Variants in MROH2B observed in about 807,000 individuals in gnomAD.
The protein encoded by MROH2B is maestro heat like repeat family member 2B.
In MROH2B, 177 loss-of-function variants were observed where a neutral mutation model predicts 208.6. The ratio of observed to expected loss-of-function variants is 0.85; its 90% CI spans 0.75 to 0.96. The LOEUF is 0.96. Ranked by LOEUF, MROH2B falls within the 40% of genes least tolerant of loss-of-function variation. The pLI is 0.00. For missense variants in MROH2B, 2,002 were observed against 1,878.7 expected (o/e 1.07, Z -1.21); for synonymous variants, 728 against 659.0 (o/e 1.10, Z -1.60).
At chr5:41,046,615 G>A (rs544052624) in intron 17 of MROH2B, among the ~76,000 whole-genome samples, 4 of 151,558 alleles carry the variant, frequency 2.6e-5, no homozygotes, top group East Asian at 1.9e-4. Context: ...AAACAGTTTC[G>A]GAAATTTAAG....
In MROH2B at chr5:41,015,419, C is replaced by T. The variant is rs146628734; in HGVS notation, c.2944G>A (p.Val982Met). 9.5e-4 allele frequency: 1,529 copies of T among 1,613,632 alleles called. 22 individuals are homozygous for T. In the East Asian group the frequency reaches 0.025, roughly 26 times the overall value. ...GLQEGLESDD[V>M]QVQIKISSKI... ...GAAGAAATCTTGATCTGAACCTGCA[C>T]GTCATCACTTTCCAGCCCTTCCTGC... is the stretch of plus-strand genomic sequence containing the variant. The change falls in exon 29 of 42, where the codon GTG becomes ATG. Residue 982 changes from valine (V) to methionine (M), a missense_variant. By Grantham distance (21) the Val-to-Met change is conservative. Transcript: ENST00000399564.
chr5:41,047,605 A>G, intron 17 of MROH2B, 116 bp downstream of exon 17: 3 of 930,868 alleles, frequency 3.2e-6, no homozygotes, highest in Non-Finnish European at 4.9e-6. Flanking sequence ...TCTTTTCCAA[A>G]GAAAGGAAAA....
intron 24 of MROH2B, among the ~76,000 whole-genome samples, chr5:41,027,742 T>C (rs1288978176): frequency 2.0e-5 from 3 of 152,206 alleles, no homozygotes; most frequent in Non-Finnish European, 4.4e-5. Context: ...TGCAGACGTA[T>C]GTTTATTGTG....
At chr5:41,059,889 T>C (rs1014818343) in intron 6 of MROH2B, among the ~76,000 whole-genome samples, 1 of 152,220 alleles carries the variant, frequency 6.6e-6, no homozygotes, top group African/African-American at 2.4e-5. Flanking sequence ...ACTTATGCAA[T>C]GATGATACCC....
chr5:41,007,457 A>T lies in MROH2B; in HGVS notation c.3609-3T>A. ...ATTTTAAAGTAGCAGTTGAAAGCCTAAAGGAGACAGTCAGCATTACAAAAC... is the reference window on the plus strand; with the variant it reads ...ATTTTAAAGTAGCAGTTGAAAGCCTTAAGGAGACAGTCAGCATTACAAAAC... On this transcript the variant is annotated splice_polypyrimidine_tract_variant and splice_region_variant and intron_variant, in intron 33 of 41. Transcript: ENST00000399564. 6.4e-7 allele frequency: 1 copy of T among 1,561,904 alleles called. No individual in the cohort carries two copies. The highest frequency in any genetic ancestry group is 8.6e-7 in the Non-Finnish European group (1 of 1,156,502).
Position 41,055,751 on chromosome 5 carries a change from T to C in MROH2B, c.1024A>G (p.Asn342Asp). Residue 342 changes from asparagine (N) to aspartate (D), a missense_variant, in exon 10 of 42, where the codon AAT becomes GAT. Asn to Asp is a conservative substitution (Grantham distance 23). Transcript: ENST00000399564. ...CAACCCTCTTGCTTACCATCAGCAT[T>C]GACAGCCAATCTTAACAAAGTCAAG... is the stretch of plus-strand genomic sequence containing the variant. ...GILTLLRLAV[N>D]ADEPRLRDHI... The C allele has an allele frequency of 6.2e-7, 1 of 1,613,432 alleles. No individual in the cohort carries two copies.
chr5:41,018,662 G>C (rs372431130), intron 26 of MROH2B, 29 bp downstream of exon 26: 7 of 1,604,342 alleles, frequency 4.4e-6, no homozygotes, highest in Non-Finnish European at 6.0e-6. Context: ...GGGAGAATGA[G>C]AATCAGTTTG....
At chr5:41,048,984 T>G in intron 15 of MROH2B, 117 bp downstream of exon 15, 1 of 996,232 alleles carries the variant, frequency 1.0e-6, no homozygotes, top group Non-Finnish European at 1.5e-6. Context: ...TATTATGCCT[T>G]TTTAGTGTTT....
chr5:41,017,904 G>T lies in MROH2B; in HGVS notation c.2830C>A (p.Pro944Thr), dbSNP rs1483700856. 1.9e-6 allele frequency: 3 copies of T among 1,589,150 alleles called. No individual in the cohort carries two copies. The African/African-American group carries it at 4.0e-5, about 21-fold the overall frequency. The change falls in exon 28 of 42, where the codon CCC (proline) becomes ACC (threonine). Residue 944 changes from proline (P) to threonine (T), a missense_variant. Transcript: ENST00000399564. ...CTAGCAGCCGCCTGACGGATGGTGG[G>T]CAGGGTATCACAGGAGTGAGGAGCC... ...LLAPHSCDTL[P>T]TIRQAAASST...
chr5:41,068,897 G>A (rs1009534834), intron 2 of MROH2B, among the ~76,000 whole-genome samples: 3 of 152,218 alleles, frequency 2.0e-5, no homozygotes, highest in Non-Finnish European at 2.9e-5. Context: ...GGGCCTGGGT[G>A]TTGATATTTT....
In MROH2B at chr5:41,049,127, GT is replaced by G; in HGVS notation, c.1515del (p.Pro506HisfsTer10). The G allele has an allele frequency of 6.2e-7, 1 of 1,600,570 alleles. No individual in the cohort carries two copies. Among genetic ancestry groups the G allele is most frequent in the Non-Finnish European group, 8.5e-7 (1 of 1,172,760 alleles). ...VVSTGAVKLP[S>X]PQQLLARLLV... ...AGAAGTCTGGCCAGTAGCTGCTGTG[GT>G]GAAGGAAGTTTCACTAGAAAGAGAA... On this transcript the variant is annotated frameshift_variant, in exon 15 of 42. Transcript: ENST00000399564. LOFTEE classifies it high-confidence loss of function.
intron 5 of MROH2B, 70 bp downstream of exon 5, chr5:41,064,402 C>G (rs1561308693): frequency 7.6e-7 from 1 of 1,320,124 alleles, no homozygotes; most frequent in East Asian, 2.4e-5. Context: ...GAAAACAAGA[C>G]TTTTGCTTAA....
intron 29 of MROH2B, among the ~76,000 whole-genome samples, chr5:41,013,999 G>A (rs7733053): frequency 0.48 from 72,577 of 152,030 alleles, 17,472 homozygotes; most frequent in African/African-American, 0.52. Context: ...AGCTGCCAGA[G>A]TGGCCCCTCA....
intron 13 of MROH2B, 128 bp from the exon 14 acceptor site, chr5:41,049,564 T>G: frequency 1.8e-6 from 2 of 1,101,422 alleles, no homozygotes; most frequent in Non-Finnish European, 2.6e-6. Context: ...TTGGGCCAAG[T>G]CAAGATGAGA....
intron 37 of MROH2B, among the ~76,000 whole-genome samples, chr5:41,003,286 GA>G (rs1478998013): frequency 6.6e-6 from 1 of 152,004 alleles, no homozygotes; most frequent in African/African-American, 2.4e-5. Flanking sequence ...TTAATTGGAG[GA>G]AATAGTTGGA....
intron 18 of MROH2B, among the ~76,000 whole-genome samples, chr5:41,043,814 A>T (rs1743033707): frequency 1.3e-5 from 2 of 152,206 alleles, no homozygotes; most frequent in South Asian, 4.1e-4. Flanking sequence ...GGCAAAAATG[A>T]TAATGGGTCA....
At chr5:41,017,228 T>G (rs529711582) in intron 28 of MROH2B, among the ~76,000 whole-genome samples, 2 of 152,260 alleles carry the variant, frequency 1.3e-5, no homozygotes, top group East Asian at 3.9e-4. Flanking sequence ...GGAGCCCTGA[T>G]TGTTGGTTTC....
At chr5:41,021,028 C>T (rs1481267859) in intron 24 of MROH2B, among the ~76,000 whole-genome samples, 1 of 152,152 alleles carries the variant, frequency 6.6e-6, no homozygotes. Flanking sequence ...ATGACACAGT[C>T]TTATATGTAG....
intron 24 of MROH2B, among the ~76,000 whole-genome samples, chr5:41,026,283 A>G (rs1742357181): frequency 6.6e-6 from 1 of 152,216 alleles, no homozygotes; most frequent in African/African-American, 2.4e-5. Flanking sequence ...ATATCTAGAA[A>G]ACCCCATTGT....
Sources: allele counts gnomAD v4.1 joint callset (sites outside exome capture counted in the v4.1 genomes callset), GRCh38; gene constraint gnomAD v4.1.1; transcripts MANE v1.5; gene names NCBI Gene and HGNC (gene_info 2026-07-23, HGNC 2026-07-21).